SLC9A8: variants seen among roughly 807,000 people sequenced by gnomAD.
SLC9A8 encodes sodium/hydrogen exchanger 8.
Under a neutral mutation model 66.6 loss-of-function variants are expected in SLC9A8, and 48 were observed. The ratio of observed to expected loss-of-function variants is 0.72; its 90% CI spans 0.57 to 0.92. The LOEUF (loss-of-function observed/expected upper bound fraction) is 0.92. Among genes scored for constraint, SLC9A8 ranks in the 40% least tolerant of loss-of-function variants. The pLI is 0.00. For synonymous variants in SLC9A8, 274 were observed against 282.6 expected (o/e 0.97, Z 0.31); for missense variants, 599 against 747.3 (o/e 0.80, Z 2.31).
Position 49,834,386 on chromosome 20 carries a change from G to GTATATATATATAC in SLC9A8, c.290-5154_290-5153insATATATATATACT, listed in dbSNP as rs1305272959. Among the ~76,000 whole-genome samples, 9 of 37,226 alleles carry GTATATATATATAC rather than the reference G, an allele frequency of 2.4e-4. 2 individuals are homozygous for GTATATATATATAC. The highest frequency in any genetic ancestry group is 0.024 in the Middle Eastern group (2 of 84). 24.4% of individuals were successfully genotyped at this position (37,226 alleles called of 152,430 possible). On this transcript the variant is annotated intron_variant, in intron 3 of 15. Transcript: ENST00000361573. ...TATACTGTGTATATATATATATACTGTGTATATATATATACTGTGTATATA... is the reference window on the plus strand; with the variant it reads ...TATACTGTGTATATATATATATACTGTATATATATATACTGTATATATATATACTGTGTATATA...
chr20:49,852,468 C>A (rs192753465), intron 7 of SLC9A8, among the ~76,000 whole-genome samples: 1 of 152,230 alleles, frequency 6.6e-6, no homozygotes, highest in East Asian at 1.9e-4. Context: ...AAAATAACTT[C>A]GTTGCACACG....
At chr20:49,841,642 G>A (rs977301262) in intron 4 of SLC9A8, among the ~76,000 whole-genome samples, 2 of 152,090 alleles carry the variant, frequency 1.3e-5, no homozygotes, top group Admixed American at 6.5e-5. Flanking sequence ...CCGGGCTAGA[G>A]TGCAGTGGCA....
intron 10 of SLC9A8, among the ~76,000 whole-genome samples, chr20:49,871,287 CTGCCTTTTGGACT>C (rs1312613021): frequency 6.6e-6 from 1 of 152,182 alleles, no homozygotes; most frequent in Non-Finnish European, 1.5e-5. Context: ...TACCTTTTCA[CTGCCTTTTGGACT>C]TGAATCCCAT....
chr20:49,882,776 A>T (rs1300554670), intron 13 of SLC9A8, among the ~76,000 whole-genome samples: 2 of 152,204 alleles, frequency 1.3e-5, no homozygotes, highest in African/African-American at 4.8e-5. Flanking sequence ...CTGTTAAAGC[A>T]CATTACATGT....
chr20:49,844,870 G>A (rs2087917400), intron 4 of SLC9A8, among the ~76,000 whole-genome samples, 166 bp from the exon 5 acceptor site: 1 of 150,668 alleles, frequency 6.6e-6, no homozygotes, highest in African/African-American at 2.4e-5. Context: ...TTTTGGTGGG[G>A]GAATCTCTCA....
At chr20:49,865,916 T>A (rs998832958) in intron 10 of SLC9A8, among the ~76,000 whole-genome samples, 1 of 152,248 alleles carries the variant, frequency 6.6e-6, no homozygotes, top group East Asian at 1.9e-4. Context: ...CAGGGATGTT[T>A]TGATCTGTGC....
chr20:49,832,614 T>G (rs2146519460), intron 3 of SLC9A8, among the ~76,000 whole-genome samples: 1 of 152,320 alleles, frequency 6.6e-6, no homozygotes, highest in East Asian at 1.9e-4. Context: ...ACTCACGGCT[T>G]TGGCCCTTTC....
intron 7 of SLC9A8, among the ~76,000 whole-genome samples, 172 bp downstream of exon 7, chr20:49,851,016 A>G (rs1445178513): frequency 6.6e-6 from 1 of 152,200 alleles, no homozygotes; most frequent in African/African-American, 2.4e-5. Flanking sequence ...TCTGAAATGA[A>G]TCAAAAGTAT....
chr20:49,828,957 A>G (rs1049796668), intron 3 of SLC9A8, among the ~76,000 whole-genome samples: 4 of 151,598 alleles, frequency 2.6e-5, no homozygotes, highest in African/African-American at 9.7e-5. Flanking sequence ...ATTTCTTTTT[A>G]ACACAGTGCA....
At position 49,889,449 on chromosome 20, in the gene SLC9A8, A is replaced by G. The variant is rs1285897816; in HGVS notation, c.*1513A>G. 1 of 152,266 alleles carries G rather than the reference A, an allele frequency of 6.6e-6. No individual in the cohort carries two copies. Among genetic ancestry groups the G allele is most frequent in the East Asian group, 1.9e-4 (1 of 5,182 alleles). 9.4% of individuals were successfully genotyped at this position (152,266 alleles called of 1,614,324 possible). A position where few individuals can be genotyped will look rare whatever the true frequency, so the allele number is the denominator to read the frequency against. ...CATCTCCATCTCTTCCACCTCAGGC[A>G]GTGTGGCTCCAGATGTCAGGAGGGA... On this transcript the variant is annotated 3_prime_UTR_variant, in exon 16 of 16. Coordinates refer to ENST00000361573, the MANE Select transcript of SLC9A8 (RefSeq NM_015266.3).
chr20:49,817,658 CT>C (rs889727811), intron 2 of SLC9A8, among the ~76,000 whole-genome samples: 10 of 152,130 alleles, frequency 6.6e-5, no homozygotes, highest in Admixed American at 6.5e-4. Flanking sequence ...ATAATACGGT[CT>C]TTTTATTTGA....
intron 7 of SLC9A8, among the ~76,000 whole-genome samples, chr20:49,851,269 G>T (rs913417962): frequency 6.6e-5 from 10 of 152,260 alleles, no homozygotes; most frequent in East Asian, 5.8e-4. Flanking sequence ...AGCCTGTGGT[G>T]GGGGAAGCAG....
At chr20:49,882,936 C>T (rs1444175212) in intron 13 of SLC9A8, among the ~76,000 whole-genome samples, 5 of 152,128 alleles carry the variant, frequency 3.3e-5, no homozygotes, top group African/African-American at 1.2e-4. Flanking sequence ...TGCCCTACCC[C>T]ATGGTGATGT....
intron 2 of SLC9A8, among the ~76,000 whole-genome samples, chr20:49,817,695 C>T (rs1370425775): frequency 1.3e-5 from 2 of 152,084 alleles, no homozygotes; most frequent in Non-Finnish European, 2.9e-5. Flanking sequence ...CCTTGTCTGT[C>T]ATAGTTTTAG....
rs6020090 is a variant in SLC9A8 at position 49,862,552 on chromosome 20, C to T, written c.714-377C>T. On this transcript the variant is annotated intron_variant, in intron 8 of 15. Coordinates refer to ENST00000361573, the MANE Select transcript of SLC9A8 (RefSeq NM_015266.3). ...CTGGGATTACAGGTGTGAGCCACCA[C>T]GCCCGGCATCAGCCCACATTTTCTC... Among the ~76,000 whole-genome samples, 712 of 152,274 alleles carry T rather than the reference C, an allele frequency of 4.7e-3. 7 individuals carry two copies. The highest frequency in any genetic ancestry group is 0.016 in the African/African-American group (667 of 41,566).
intron 14 of SLC9A8, among the ~76,000 whole-genome samples, chr20:49,885,424 C>T (rs4810989): frequency 0.22 from 32,743 of 152,212 alleles, 3,946 homozygotes; most frequent in Non-Finnish European, 0.28. Context: ...CTCTTGGGCT[C>T]AAGCGATCCT....
At chr20:49,822,627 A>C (rs2086781205) in intron 2 of SLC9A8, among the ~76,000 whole-genome samples, 1 of 152,152 alleles carries the variant, frequency 6.6e-6, no homozygotes, top group Non-Finnish European at 1.5e-5. Context: ...TCTACTAAAA[A>C]TACAAAAAAA....
intron 2 of SLC9A8, among the ~76,000 whole-genome samples, chr20:49,819,371 A>G (rs1243499907): frequency 6.6e-6 from 1 of 152,214 alleles, no homozygotes; most frequent in Non-Finnish European, 1.5e-5. Flanking sequence ...TTGTTTTTGC[A>G]TATACAGATG....
intron 13 of SLC9A8, 140 bp downstream of exon 13, chr20:49,881,175 A>G (rs188157202): frequency 6.6e-5 from 42 of 638,046 alleles, no homozygotes; most frequent in South Asian, 5.0e-4. Flanking sequence ...ACCCACTGCA[A>G]TCAAGATGGT....
Sources: allele counts gnomAD v4.1 joint callset (sites outside exome capture counted in the v4.1 genomes callset), GRCh38; gene constraint gnomAD v4.1.1; transcripts MANE v1.5; gene names NCBI Gene and HGNC (gene_info 2026-07-23, HGNC 2026-07-21).